Variants in STXBP5L observed in about 807,000 individuals in gnomAD.
STXBP5L encodes syntaxin binding protein 5L.
A neutral mutation model predicts 144.5 loss-of-function variants in STXBP5L; 65 were observed. The ratio of observed to expected loss-of-function variants is 0.45; its 90% CI spans 0.37 to 0.55. The LOEUF (loss-of-function observed/expected upper bound fraction) is 0.55, where lower values mean the gene tolerates loss of function less well. Among genes scored for constraint, STXBP5L ranks in the 20% least tolerant of loss-of-function variants. The pLI is 0.00. For missense variants in STXBP5L, 1,298 were observed against 1,405.5 expected (o/e 0.92, Z 1.22); for synonymous variants, 505 against 469.6 (o/e 1.08, Z -0.97).
intron 19 of STXBP5L, among the ~76,000 whole-genome samples, chr3:121,301,510 C>G (rs1366151181): frequency 6.6e-6 from 1 of 152,132 alleles, no homozygotes; most frequent in Admixed American, 6.6e-5. Context: ...ATTTGACTTC[C>G]TCTTTTCCTA....
chr3:120,959,764 T>C (rs1938532213), intron 3 of STXBP5L, among the ~76,000 whole-genome samples: 1 of 152,130 alleles, frequency 6.6e-6, no homozygotes, highest in Non-Finnish European at 1.5e-5. Flanking sequence ...TCAAGATGGA[T>C]TAAAGAATTA....
At position 121,044,127 on chromosome 3, in the gene STXBP5L, C is replaced by A. The variant is rs912711392; in HGVS notation, c.370-1308C>A. 3.9e-5 allele frequency among the ~76,000 whole-genome samples: 6 copies of A among 152,014 alleles called. No individual in the cohort carries two copies. In the East Asian group the frequency reaches 5.8e-4, roughly 15 times the overall value. ...TTCATTGAAGGAAATTATCTGAGTT[C>A]ATGTTAAGATGTATATATCAATATA... is the stretch of plus-strand genomic sequence containing the variant. On this transcript the variant is annotated intron_variant, in intron 4 of 26. Coordinates refer to ENST00000471454, the MANE Select transcript of STXBP5L (RefSeq NM_001308330.2).
intron 3 of STXBP5L, among the ~76,000 whole-genome samples, chr3:120,987,730 A>G (rs1942427287): frequency 6.6e-6 from 1 of 151,578 alleles, no homozygotes; most frequent in East Asian, 1.9e-4. Context: ...ACATTTCTAC[A>G]TTTTATACTT....
Position 121,241,878 on chromosome 3 carries a change from T to A in STXBP5L, c.1400+1371T>A, listed in dbSNP as rs2049683540. ...ACAGTAAACACTGAAAGAAAAAAAA[T>A]CTGGAAAGCCACAGTAGAGAAATGA... On this transcript the variant is annotated intron_variant, in intron 14 of 26. Transcript: ENST00000471454. 2.6e-5 allele frequency among the ~76,000 whole-genome samples: 4 copies of A among 151,812 alleles called. No homozygotes were observed. In the South Asian group the frequency reaches 8.3e-4, roughly 32 times the overall value.
At chr3:121,281,203 A>C (rs547022909) in intron 19 of STXBP5L, among the ~76,000 whole-genome samples, 1 of 151,998 alleles carries the variant, frequency 6.6e-6, no homozygotes, top group East Asian at 1.9e-4. Flanking sequence ...AAACTCAATG[A>C]TTTCTGAATT....
chr3:121,419,014 A>G (rs1487794358), intron 26 of STXBP5L, 42 bp from the exon 27 acceptor site: 20 of 1,593,286 alleles, frequency 1.3e-5, no homozygotes, highest in Non-Finnish European at 1.6e-5. Flanking sequence ...TAGCACTTTT[A>G]AAGTATTTTA....
At chr3:121,182,357 T>A (rs528966696) in intron 9 of STXBP5L, among the ~76,000 whole-genome samples, 1 of 152,334 alleles carries the variant, frequency 6.6e-6, no homozygotes, top group South Asian at 2.1e-4. Flanking sequence ...TGGAAATTTA[T>A]TTTAAAAGGA....
At chr3:121,191,968 G>A (rs1228409173) in intron 9 of STXBP5L, among the ~76,000 whole-genome samples, 1 of 151,740 alleles carries the variant, frequency 6.6e-6, no homozygotes, top group Non-Finnish European at 1.5e-5. Flanking sequence ...TGGGGGGAGG[G>A]ATAGCATTGG....
At chr3:120,946,622 A>C (rs1046288516) in intron 2 of STXBP5L, among the ~76,000 whole-genome samples, 2 of 151,630 alleles carry the variant, frequency 1.3e-5, no homozygotes, top group Non-Finnish European at 3.0e-5. Flanking sequence ...GGTGGTTTTG[A>C]GGCTATTTTG....
chr3:121,407,389 A>T lies in STXBP5L; in HGVS notation c.2734A>T (p.Asn912Tyr). Residue 912 changes from asparagine (N) to tyrosine (Y), a missense_variant, in exon 23 of 27, where the codon AAC becomes TAC. Physicochemically the swap from Asn to Tyr is moderately radical, Grantham distance 143 (BLOSUM62 -2). Transcript: ENST00000471454. The stretch of plus-strand genomic sequence containing the variant: ...ATCTTGGAGAAGGAAAGTGGTAATG[A>T]ACTCATCTTCTGCATCCCAAGAAAT... ...EKSWRRKVVM[N>Y]SSSASQEIGD... 1 of 1,613,126 alleles carries T rather than the reference A, an allele frequency of 6.2e-7. No homozygotes were observed. Among genetic ancestry groups the T allele is most frequent in the Non-Finnish European group, 8.5e-7 (1 of 1,179,392 alleles).
chr3:121,306,644 T>C (rs1445486686), intron 19 of STXBP5L, among the ~76,000 whole-genome samples: 3 of 152,128 alleles, frequency 2.0e-5, no homozygotes, highest in African/African-American at 7.2e-5. Context: ...AAGTGTGCTC[T>C]CAAGACCAAT....
In STXBP5L at chr3:121,361,417, T is replaced by G. The variant is rs180670651; in HGVS notation, c.2177-17299T>G. On this transcript the variant is annotated intron_variant, in intron 20 of 26. Coordinates refer to ENST00000471454, the MANE Select transcript of STXBP5L (RefSeq NM_001308330.2). ...CTTCCCTACCCCCCCTTTAAGGACATTTCTTAGGTTTGCCCTTTTGAGGCT... is the reference window on the plus strand; with the variant it reads ...CTTCCCTACCCCCCCTTTAAGGACAGTTCTTAGGTTTGCCCTTTTGAGGCT... Among the ~76,000 whole-genome samples the G allele has an allele frequency of 4.6e-5, 7 of 152,226 alleles. No individual in the cohort carries two copies. The East Asian group carries it at 1.4e-3, about 29-fold the overall frequency.
At chr3:121,104,727 C>A (rs2043606158) in intron 5 of STXBP5L, among the ~76,000 whole-genome samples, 2 of 152,142 alleles carry the variant, frequency 1.3e-5, no homozygotes, top group African/African-American at 4.8e-5. Flanking sequence ...TCATCTCTCA[C>A]CTTATACAAA....
In STXBP5L at chr3:120,939,693, G is replaced by T. The variant is rs1307303338; in HGVS notation, c.190-15247G>T. ...AGATAACTAATCTTTTTCAATCGTC[G>T]AACATAACGTTAAACATAACCCCAT... On this transcript the variant is annotated intron_variant, in intron 2 of 26. Coordinates refer to ENST00000471454, the MANE Select transcript of STXBP5L (RefSeq NM_001308330.2). Among the ~76,000 whole-genome samples, 7 of 152,078 alleles carry T rather than the reference G, an allele frequency of 4.6e-5. No individual in the cohort carries two copies. The East Asian group carries it at 1.4e-3, about 29-fold the overall frequency.
rs1577454206 is a variant in STXBP5L, at chr3:121,321,548, A to T, written c.2176+3008A>T. Reference sequence around the variant, plus strand: ...CTCTTGCTGTTGTAGGAATTGCTGCATTCTGATTCAGTAGATCTGAGGTGG... The same window carrying T: ...CTCTTGCTGTTGTAGGAATTGCTGCTTTCTGATTCAGTAGATCTGAGGTGG... On this transcript the variant is annotated intron_variant, in intron 20 of 26. Coordinates refer to ENST00000471454, the MANE Select transcript of STXBP5L (RefSeq NM_001308330.2). 3.3e-5 allele frequency among the ~76,000 whole-genome samples: 5 copies of T among 152,338 alleles called. 1 individual carries two copies. In the South Asian group the frequency reaches 1.0e-3, roughly 32 times the overall value.
chr3:121,047,615 C>G (rs921884855), intron 5 of STXBP5L, among the ~76,000 whole-genome samples: 1 of 152,124 alleles, frequency 6.6e-6, no homozygotes, highest in East Asian at 1.9e-4. Context: ...AATGTCCTTC[C>G]TTGTCTTTTT....
chr3:121,297,202 ATGTGTGTG>A (rs71133526), intron 19 of STXBP5L, among the ~76,000 whole-genome samples: 46,145 of 148,198 alleles, frequency 0.31, 7,773 homozygotes, highest in East Asian at 0.69. Context: ...TCTACATTAT[ATGTGTGTG>A]TGTGTGTGTG....
At chr3:121,355,279 T>C (rs1049889713) in intron 20 of STXBP5L, among the ~76,000 whole-genome samples, 3 of 152,182 alleles carry the variant, frequency 2.0e-5, no homozygotes, top group African/African-American at 7.2e-5. Context: ...TCCTGCAGAG[T>C]GTTTTCCAAC....
At chr3:121,124,354 A>G (rs938344395) in intron 7 of STXBP5L, among the ~76,000 whole-genome samples, 1 of 151,936 alleles carries the variant, frequency 6.6e-6, no homozygotes, top group Non-Finnish European at 1.5e-5. Context: ...GTGATTCTCA[A>G]TTGGGATTTT....
Sources: gnomAD v4.1 joint callset for allele counts (sites outside exome capture counted in the v4.1 genomes callset) on GRCh38, gnomAD v4.1.1 for gene constraint, MANE v1.5 for transcripts, NCBI Gene and HGNC (gene_info 2026-07-23, HGNC 2026-07-21) for gene names.